The following IQGAP2 variants were observed in gnomAD, a reference collection of about 807,000 sequenced individuals.
IQGAP2 encodes IQ motif containing GTPase activating protein 2, also known as ras GTPase-activating-like protein IQGAP2.
A neutral mutation model predicts 201.3 loss-of-function variants in IQGAP2; 173 were observed. The observed-to-expected ratio is 0.86, with a 90% CI of 0.76 to 0.98. The LOEUF is 0.98. IQGAP2 is among the 50% of genes least tolerant of loss of function. IQGAP2 has a pLI of 0.00. For synonymous variants in IQGAP2, 675 were observed against 673.9 expected (o/e 1.00, Z -0.03); for missense variants, 1,687 against 1,864.8 (o/e 0.90, Z 1.76).
At chr5:76,545,344 A>G (rs1032866216) in intron 2 of IQGAP2, among the ~76,000 whole-genome samples, 1 of 152,160 alleles carries the variant, frequency 6.6e-6, no homozygotes, top group Non-Finnish European at 1.5e-5. Context: ...CAATTTTAAA[A>G]CCATGCCTAG....
chr5:76,403,422 C>A lies in IQGAP2; in HGVS notation c.-124C>A. The A allele has an allele frequency of 4.6e-6, 3 of 650,260 alleles. No individual in the cohort carries two copies. Among genetic ancestry groups the A allele is most frequent in the Non-Finnish European group, 6.7e-6 (3 of 445,310 alleles). The allele number at this position is 650,260 out of a possible 1,614,324, so 40.3% of individuals were successfully genotyped here. Reference sequence around the variant, plus strand: ...AGGGAGTGGGTCGCAGATCTTCGGGCGGCTAGGGGAAATCGGCGAGAGGCG... The same window carrying A: ...AGGGAGTGGGTCGCAGATCTTCGGGAGGCTAGGGGAAATCGGCGAGAGGCG... On this transcript the variant is annotated 5_prime_UTR_variant, in exon 1 of 36. Coordinates refer to ENST00000274364, the MANE Select transcript of IQGAP2 (RefSeq NM_006633.5). This position sits in a 1 kb window ranked among gnomAD's most constrained non-coding sequence, Gnocchi z 4.8.
Position 76,683,183 on chromosome 5 carries a change from G to T in IQGAP2, c.3729G>T (p.Ser1243=), listed in dbSNP as rs34076951. Residue 1243 remains serine (S), a synonymous_variant, in exon 29 of 36, where the codon TCG becomes TCT. Transcript: ENST00000274364. ...ACTTACTGAGTGAATTGCTGGGGTC[G>T]CTGGGAGAGGTGCCAACCGTGGAAT... ...KNDLLSELLG[S]LGEVPTVESF... 2 of 1,611,738 alleles carry T rather than the reference G, an allele frequency of 1.2e-6. No individual in the cohort carries two copies. Among genetic ancestry groups the T allele is most frequent in the Non-Finnish European group, 8.5e-7 (1 of 1,178,954 alleles).
chr5:76,663,819 CACCA>C (rs1743489360), intron 21 of IQGAP2, among the ~76,000 whole-genome samples: 1 of 152,184 alleles, frequency 6.6e-6, no homozygotes, highest in African/African-American at 2.4e-5. Context: ...AGGCATGAGC[CACCA>C]CACTTGGCCC....
chr5:76,501,643 C>CTTTTTTTTTTTTTTTTTTTTTTTTT (rs56929376), intron 2 of IQGAP2, among the ~76,000 whole-genome samples: 1 of 101,100 alleles, frequency 9.9e-6, no homozygotes, highest in African/African-American at 4.0e-5. Context: ...TTTTCCTTTT[C>CTTTTTTTTTTTTTTTTTTTTTTTTT]TTTTTTTTTT....
chr5:76,543,411 G>A (rs531214138), intron 2 of IQGAP2, among the ~76,000 whole-genome samples: 3 of 152,320 alleles, frequency 2.0e-5, no homozygotes, highest in South Asian at 2.1e-4. Flanking sequence ...TTGGAGGGAC[G>A]TAAATGTGCA....
At chr5:76,510,622 G>C (rs924505569) in intron 2 of IQGAP2, 6 of 517,994 alleles carry the variant, frequency 1.2e-5, no homozygotes, top group Admixed American at 4.2e-5. Context: ...GATCAGAGGG[G>C]CCCAGGGAGG....
intron 5 of IQGAP2, among the ~76,000 whole-genome samples, chr5:76,577,346 CT>C (rs1389415034): frequency 6.6e-6 from 1 of 152,082 alleles, no homozygotes; most frequent in Non-Finnish European, 1.5e-5. Flanking sequence ...GAAAAAACAA[CT>C]TTTTGTTTAT....
At chr5:76,633,947 G>T (rs943604664) in intron 15 of IQGAP2, among the ~76,000 whole-genome samples, 2 of 151,806 alleles carry the variant, frequency 1.3e-5, no homozygotes, top group Non-Finnish European at 2.9e-5. Context: ...TGTATTCTGC[G>T]CCACCCCCTC....
intron 2 of IQGAP2, among the ~76,000 whole-genome samples, chr5:76,515,872 CTTTTTTT>C (rs71604295): frequency 9.7e-6 from 1 of 102,762 alleles, no homozygotes; most frequent in African/African-American, 4.0e-5. Context: ...AGGGGGTGAT[CTTTTTTT>C]TTTTTTTTTT....
chr5:76,443,438 T>G (rs57446989), intron 1 of IQGAP2, among the ~76,000 whole-genome samples: 5,022 of 151,606 alleles, frequency 0.033, 148 homozygotes, highest in African/African-American at 0.078. Flanking sequence ...CTGGCCAACA[T>G]AGTGAGACCT....
chr5:76,547,451 A>T, intron 2 of IQGAP2: 1 of 979,148 alleles, frequency 1.0e-6, no homozygotes, highest in Non-Finnish European at 1.2e-6. Context: ...TGGCAATTTA[A>T]GTAAGTTTAC....
At chr5:76,674,780 A>T in intron 27 of IQGAP2, 71 bp downstream of exon 27, 1 of 1,148,686 alleles carries the variant, frequency 8.7e-7, no homozygotes, top group Non-Finnish European at 1.3e-6. Context: ...CTCTGTGCCC[A>T]GAGCTAGAGT....
chr5:76,695,672 T>C lies in IQGAP2; in HGVS notation c.4206+6T>C, dbSNP rs1746662583. The C allele has an allele frequency of 2.5e-6, 4 of 1,609,216 alleles. No individual in the cohort carries two copies. Among genetic ancestry groups the C allele is most frequent in the Non-Finnish European group, 3.4e-6 (4 of 1,175,752 alleles). On this transcript the variant is annotated splice_donor_region_variant and intron_variant, in intron 32 of 35. Transcript: ENST00000274364. ...TTCTCAATGAGATTGCCAAGGTTTT[T>C]GGAAACAGTATTCTTTCTTCCTTCA...
chr5:76,534,635 C>T (rs144042860), intron 2 of IQGAP2, among the ~76,000 whole-genome samples: 36 of 152,300 alleles, frequency 2.4e-4, no homozygotes, highest in African/African-American at 7.9e-4. Context: ...CCCTTCCAAG[C>T]TGTTTGGGAA....
intron 14 of IQGAP2, among the ~76,000 whole-genome samples, chr5:76,629,308 A>G (rs746038523): frequency 4.6e-5 from 7 of 152,238 alleles, no homozygotes; most frequent in Non-Finnish European, 1.0e-4. Context: ...CATTATTTGC[A>G]TGAAGACTTG....
intron 2 of IQGAP2, among the ~76,000 whole-genome samples, chr5:76,536,737 GC>G (rs1488728548): frequency 6.7e-6 from 1 of 150,106 alleles, no homozygotes. Flanking sequence ...TCCAGCTTGG[GC>G]AACAAGAGTG....
chr5:76,433,724 CA>C (rs1402546537), intron 1 of IQGAP2, among the ~76,000 whole-genome samples: 2 of 152,138 alleles, frequency 1.3e-5, no homozygotes, highest in Non-Finnish European at 2.9e-5. Flanking sequence ...GATAATATCC[CA>C]TTTTACAAAT....
At chr5:76,567,478 T>C (rs190420277) in intron 3 of IQGAP2, among the ~76,000 whole-genome samples, 138 of 152,300 alleles carry the variant, frequency 9.1e-4, no homozygotes, top group Non-Finnish European at 1.5e-3. Context: ...TGTGGAGATA[T>C]TGTGAGGCAC....
intron 1 of IQGAP2, among the ~76,000 whole-genome samples, chr5:76,429,860 G>GACAC (rs56031811): frequency 0.018 from 2,647 of 144,608 alleles, 52 homozygotes; most frequent in African/African-American, 0.036. Context: ...AGGAGACACA[G>GACAC]ACACACACAC....
Sources: gnomAD v4.1 joint callset for allele counts (sites outside exome capture counted in the v4.1 genomes callset) on GRCh38, gnomAD v4.1.1 for gene constraint, Gnocchi (gnomAD v3.1) non-coding constraint, MANE v1.5 for transcripts, NCBI Gene and HGNC (gene_info 2026-07-23, HGNC 2026-07-21) for gene names.